The following CPNE8 variants were observed in gnomAD, a reference collection of about 807,000 sequenced individuals.
CPNE8 encodes the protein copine-8.
A neutral mutation model predicts 81.5 loss-of-function variants in CPNE8; 45 were observed. The observed-to-expected ratio is 0.55, with a 90% CI of 0.44 to 0.71. The LOEUF is 0.71. CPNE8 is among the 30% of genes least tolerant of loss of function. CPNE8 has a pLI of 0.00. For missense variants in CPNE8, 594 were observed against 672.1 expected (o/e 0.88, Z 1.28); for synonymous variants, 252 against 226.3 (o/e 1.11, Z -1.02).
chr12:38,869,386 T>A (rs183415711), intron 3 of CPNE8, among the ~76,000 whole-genome samples: 30 of 152,322 alleles, frequency 2.0e-4, no homozygotes, highest in Admixed American at 1.2e-3. Flanking sequence ...TTAATCCTCA[T>A]AACAGCTATA....
At chr12:38,795,820 C>A (rs1942446966) in intron 6 of CPNE8, among the ~76,000 whole-genome samples, 1 of 150,054 alleles carries the variant, frequency 6.7e-6, no homozygotes. Context: ...TTTAACACTA[C>A]TAAACTGTAC....
chr12:38,905,557 T>C lies in CPNE8; in HGVS notation c.-23A>G. Reference sequence around the variant, plus strand: ...CATATTGGGAGGAGGCGCCTTGGACTTGTCCGGCGCCCACAACCACAGCTC... The same window carrying C: ...CATATTGGGAGGAGGCGCCTTGGACCTGTCCGGCGCCCACAACCACAGCTC... On this transcript the variant is annotated 5_prime_UTR_variant, in exon 1 of 20. Coordinates refer to ENST00000331366, the MANE Select transcript of CPNE8 (RefSeq NM_153634.3). 1 of 1,549,320 alleles carries C rather than the reference T, an allele frequency of 6.5e-7. No individual in the cohort carries two copies. The highest frequency in any genetic ancestry group is 8.7e-7 in the Non-Finnish European group (1 of 1,148,134).
chr12:38,705,111 T>A lies in CPNE8; in HGVS notation c.915-2190A>T, dbSNP rs182152296. 3.8e-4 allele frequency among the ~76,000 whole-genome samples: 58 copies of A among 151,896 alleles called. 1 individual carries two copies. Among genetic ancestry groups the A allele is most frequent in the South Asian group, 8.3e-4 (4 of 4,810 alleles). ...GAATCACATCTAATCTACAAAATAA[T>A]TTTTAATTAAAAAGTAAATCATCTG... On this transcript the variant is annotated intron_variant, in intron 13 of 19. Coordinates refer to ENST00000331366, the MANE Select transcript of CPNE8 (RefSeq NM_153634.3).
intron 4 of CPNE8, among the ~76,000 whole-genome samples, chr12:38,847,568 G>A (rs1943579128): frequency 6.6e-6 from 1 of 152,108 alleles, no homozygotes; most frequent in African/African-American, 2.4e-5. Context: ...AAATGTGGAT[G>A]TAATAAATTT....
chr12:38,859,064 C>A (rs1943789559), intron 3 of CPNE8, among the ~76,000 whole-genome samples: 1 of 152,044 alleles, frequency 6.6e-6, no homozygotes, highest in South Asian at 2.1e-4. Flanking sequence ...ATTCTCACCA[C>A]TTCTAATCGA....
chr12:38,891,861 C>T (rs1944318798), intron 1 of CPNE8, among the ~76,000 whole-genome samples: 2 of 152,200 alleles, frequency 1.3e-5, no homozygotes, highest in Non-Finnish European at 2.9e-5. Flanking sequence ...TATTGAAAAC[C>T]TTTCATGTGC....
At chr12:38,730,222 T>G (rs1275386447) in intron 11 of CPNE8, 61 bp downstream of exon 11, 1 of 1,043,954 alleles carries the variant, frequency 9.6e-7, no homozygotes, top group Non-Finnish European at 1.5e-6. Flanking sequence ...GAATCCACAC[T>G]TTTAAAGCAC....
In CPNE8 at chr12:38,653,823, C is replaced by A; in HGVS notation, c.*59G>T. 2 of 1,570,680 alleles carry A rather than the reference C, an allele frequency of 1.3e-6. No individual in the cohort carries two copies. The highest frequency in any genetic ancestry group is 2.0e-5 in the Admixed American group (1 of 51,230). ...GCCTGGTTCATTACAGAGCACCAGGCACAAAGCATTAACTCAGCACTTTTG... is the reference window on the plus strand; with the variant it reads ...GCCTGGTTCATTACAGAGCACCAGGAACAAAGCATTAACTCAGCACTTTTG... On this transcript the variant is annotated 3_prime_UTR_variant, in exon 20 of 20. Coordinates refer to ENST00000331366, the MANE Select transcript of CPNE8 (RefSeq NM_153634.3).
At chr12:38,661,219 C>A (rs866967664) in intron 19 of CPNE8, among the ~76,000 whole-genome samples, 2 of 152,068 alleles carry the variant, frequency 1.3e-5, no homozygotes, top group African/African-American at 4.8e-5. Flanking sequence ...AAATGTCCAT[C>A]AATGATAGAA....
In CPNE8 at chr12:38,885,525, A is replaced by G. The variant is rs12301491; in HGVS notation, c.99-11014T>C. 9.3e-3 allele frequency among the ~76,000 whole-genome samples: 1,419 copies of G among 152,304 alleles called. 23 individuals are homozygous for G. Among genetic ancestry groups the G allele is most frequent in the African/African-American group, 0.032 (1,323 of 41,558 alleles). ...AGGGAAATTTACGGTGAAAATACAGATATTTTATACAGCCCAGATTCAGGC... is the reference window on the plus strand; with the variant it reads ...AGGGAAATTTACGGTGAAAATACAGGTATTTTATACAGCCCAGATTCAGGC... On this transcript the variant is annotated intron_variant, in intron 1 of 19. Coordinates refer to ENST00000331366, the MANE Select transcript of CPNE8 (RefSeq NM_153634.3).
chr12:38,724,397 T>G (rs1396673573), intron 12 of CPNE8, among the ~76,000 whole-genome samples: 1 of 152,206 alleles, frequency 6.6e-6, no homozygotes, highest in African/African-American at 2.4e-5. Flanking sequence ...CATCTTTGCC[T>G]TCTGTACTGA....
intron 3 of CPNE8, among the ~76,000 whole-genome samples, chr12:38,865,532 T>C (rs545920021): frequency 6.6e-6 from 1 of 152,348 alleles, no homozygotes. Context: ...TATATGATTC[T>C]ATGTATATAA....
chr12:38,676,703 A>G (rs1486355), intron 17 of CPNE8, among the ~76,000 whole-genome samples: 15,924 of 152,216 alleles, frequency 0.1, 1,033 homozygotes, highest in East Asian at 0.24. Flanking sequence ...ATAATTTAAT[A>G]GTAAGAATGT....
At chr12:38,736,409 G>C (rs1383850678) in intron 10 of CPNE8, among the ~76,000 whole-genome samples, 4 of 151,516 alleles carry the variant, frequency 2.6e-5, no homozygotes, top group Non-Finnish European at 4.4e-5. Flanking sequence ...TTTTATTGTG[G>C]TTTACATTGG....
intron 13 of CPNE8, among the ~76,000 whole-genome samples, chr12:38,721,947 G>A (rs1197620975): frequency 2.6e-5 from 4 of 152,120 alleles, no homozygotes; most frequent in African/African-American, 4.8e-5. Context: ...TGGATCTCAC[G>A]CTCACACACC....
At chr12:38,773,417 A>T (rs944620124) in intron 7 of CPNE8, among the ~76,000 whole-genome samples, 1 of 152,068 alleles carries the variant, frequency 6.6e-6, no homozygotes, top group African/African-American at 2.4e-5. Flanking sequence ...ATGGGTATAT[A>T]CCTGTCTCCA....
At chr12:38,797,851 TA>T (rs1203597183) in intron 6 of CPNE8, among the ~76,000 whole-genome samples, 2 of 152,048 alleles carry the variant, frequency 1.3e-5, no homozygotes, top group African/African-American at 2.4e-5. Flanking sequence ...GAAAAGTGCT[TA>T]AAGGAGCTGA....
chr12:38,730,016 G>C (rs543661655), intron 11 of CPNE8, among the ~76,000 whole-genome samples: 24 of 151,882 alleles, frequency 1.6e-4, no homozygotes, highest in Non-Finnish European at 3.2e-4. Flanking sequence ...AAACATAAAG[G>C]CTGAAGCTTA....
chr12:38,668,934 G>T (rs1939115726), intron 19 of CPNE8, among the ~76,000 whole-genome samples: 1 of 151,894 alleles, frequency 6.6e-6, no homozygotes, highest in South Asian at 2.1e-4. Flanking sequence ...GGCACCTGTA[G>T]TCCCAGCTAC....
Sources: allele counts gnomAD v4.1 joint callset (sites outside exome capture counted in the v4.1 genomes callset), GRCh38; gene constraint gnomAD v4.1.1; transcripts MANE v1.5; gene names NCBI Gene and HGNC (gene_info 2026-07-23, HGNC 2026-07-21).